TNPO1: variants seen among roughly 807,000 people sequenced by gnomAD.
TNPO1 encodes transportin 1, also known as transportin-1.
TNPO1 carries 8 observed loss-of-function variants against 119.5 expected under a neutral mutation model. The observed-to-expected ratio is 0.07, with a 90% CI of 0.04 to 0.12. The LOEUF is 0.12. Ranked by LOEUF, TNPO1 falls within the 10% of genes least tolerant of loss-of-function variation. The pLI is 1.00. For missense variants in TNPO1, 576 were observed against 1,089.8 expected (o/e 0.53, Z 6.64); for synonymous variants, 362 against 363.0 (o/e 1.00, Z 0.03).
intron 1 of TNPO1, chr5:72,817,053 C>T (rs1743725526): frequency 2.4e-6 from 1 of 423,664 alleles, no homozygotes; most frequent in Non-Finnish European, 4.2e-6. Context: ...GTCTTACATT[C>T]AGGGGAGCGT....
At chr5:72,868,168 C>T (rs1747069920) in intron 6 of TNPO1, among the ~76,000 whole-genome samples, 1 of 152,146 alleles carries the variant, frequency 6.6e-6, no homozygotes, top group East Asian at 1.9e-4. Flanking sequence ...CGCGGTGGCT[C>T]ACGCCTGTAA....
chr5:72,893,280 A>T, intron 16 of TNPO1, 34 bp downstream of exon 16: 1 of 1,606,002 alleles, frequency 6.2e-7, no homozygotes, highest in Non-Finnish European at 8.5e-7. Flanking sequence ...TCTTCTTGAC[A>T]TGGTGGACAT....
At chr5:72,876,291 TTG>T (rs372219160) in intron 8 of TNPO1, among the ~76,000 whole-genome samples, 71 of 152,306 alleles carry the variant, frequency 4.7e-4, no homozygotes, top group African/African-American at 1.6e-3. Context: ...TATGACACTG[TTG>T]TGTGGGCATA....
intron 4 of TNPO1, among the ~76,000 whole-genome samples, chr5:72,857,494 C>G (rs1746095461): frequency 6.6e-6 from 1 of 152,158 alleles, no homozygotes; most frequent in African/African-American, 2.4e-5. Flanking sequence ...AAAAAGAACT[C>G]CCTAGATTAC....
At chr5:72,848,059 T>G (rs932000741) in intron 1 of TNPO1, 14 of 1,060,818 alleles carry the variant, frequency 1.3e-5, no homozygotes, top group Non-Finnish European at 1.4e-5. Context: ...GAAAACTGCG[T>G]GGCACTAGGA....
chr5:72,850,936 A>C (rs1745498652), intron 2 of TNPO1, among the ~76,000 whole-genome samples: 1 of 152,124 alleles, frequency 6.6e-6, no homozygotes, highest in Non-Finnish European at 1.5e-5. Flanking sequence ...GAATGGTTTA[A>C]AGTTGAAATC....
chr5:72,819,522 G>C (rs1230727183), intron 1 of TNPO1, among the ~76,000 whole-genome samples: 1 of 152,128 alleles, frequency 6.6e-6, no homozygotes, highest in Non-Finnish European at 1.5e-5. Flanking sequence ...GAAATAGGGA[G>C]GTGGATTTGT....
chr5:72,855,072 T>G (rs1745878709), intron 3 of TNPO1, among the ~76,000 whole-genome samples: 1 of 152,086 alleles, frequency 6.6e-6, no homozygotes, highest in African/African-American at 2.4e-5. Context: ...CTTCTCTGCT[T>G]GCAGCCTCTG....
chr5:72,895,684 A>T (rs1749378810), intron 18 of TNPO1, among the ~76,000 whole-genome samples: 1 of 152,238 alleles, frequency 6.6e-6, no homozygotes, highest in Non-Finnish European at 1.5e-5. Flanking sequence ...AATAATGAAG[A>T]TACTTATATA....
intron 3 of TNPO1, among the ~76,000 whole-genome samples, chr5:72,854,821 CTT>C (rs1264424211): frequency 2.0e-5 from 3 of 152,136 alleles, no homozygotes; most frequent in South Asian, 2.1e-4. Flanking sequence ...TAAGAAAACT[CTT>C]TTTAAATGTT....
intron 3 of TNPO1, among the ~76,000 whole-genome samples, chr5:72,853,639 ATTTC>A (rs375673929): frequency 3.7e-4 from 53 of 141,716 alleles, no homozygotes; most frequent in African/African-American, 1.3e-3. Flanking sequence ...AACACTTGAT[ATTTC>A]TTCTTGTGTT....
chr5:72,850,999 TTTC>T (rs1412266238), intron 2 of TNPO1, among the ~76,000 whole-genome samples: 3 of 152,230 alleles, frequency 2.0e-5, no homozygotes, highest in Admixed American at 1.3e-4. Context: ...AAGCTGGAAC[TTTC>T]TTATGTTGTA....
chr5:72,894,975 C>A (rs1470500197), intron 18 of TNPO1, among the ~76,000 whole-genome samples: 1 of 151,994 alleles, frequency 6.6e-6, no homozygotes, highest in Non-Finnish European at 1.5e-5. Flanking sequence ...TGTAACAAAC[C>A]TCCTATCACC....
At chr5:72,871,545 A>G (rs1747402731) in intron 6 of TNPO1, among the ~76,000 whole-genome samples, 1 of 152,220 alleles carries the variant, frequency 6.6e-6, no homozygotes, top group African/African-American at 2.4e-5. Context: ...TCATACAGTC[A>G]TGAGTACAAT....
intron 18 of TNPO1, among the ~76,000 whole-genome samples, chr5:72,894,639 C>G (rs1749294577): frequency 6.6e-6 from 1 of 152,114 alleles, no homozygotes. Flanking sequence ...CCACTACACT[C>G]CAGCCTGGGC....
chr5:72,839,739 T>C (rs957135196), intron 1 of TNPO1, among the ~76,000 whole-genome samples: 1 of 152,216 alleles, frequency 6.6e-6, no homozygotes, highest in Non-Finnish European at 1.5e-5. Context: ...TAATGGAAAT[T>C]GCCAGGAGCA....
At position 72,872,730 on chromosome 5, in the gene TNPO1, G is replaced by T; in HGVS notation, c.678+10G>T. ...TGATTCTTTTATTGAGGTAAGACTTGTTCTTGTCTCCCTCCCAACCCCCCA... is the reference window on the plus strand; with the variant it reads ...TGATTCTTTTATTGAGGTAAGACTTTTTCTTGTCTCCCTCCCAACCCCCCA... On this transcript the variant is annotated intron_variant, in intron 7 of 24. Coordinates refer to ENST00000337273, the MANE Select transcript of TNPO1 (RefSeq NM_002270.4). The T allele has an allele frequency of 6.4e-7, 1 of 1,567,712 alleles. No individual in the cohort carries two copies. Among genetic ancestry groups the T allele is most frequent in the African/African-American group, 1.4e-5 (1 of 72,852 alleles).
intron 1 of TNPO1, among the ~76,000 whole-genome samples, chr5:72,819,881 A>C (rs954281695): frequency 1.3e-5 from 2 of 152,200 alleles, no homozygotes; most frequent in African/African-American, 2.4e-5. Context: ...AAGCTCTTAA[A>C]ACTGGGCCTG....
At chr5:72,891,117 AC>A (rs1240822942) in intron 14 of TNPO1, among the ~76,000 whole-genome samples, 1 of 151,958 alleles carries the variant, frequency 6.6e-6, no homozygotes. Flanking sequence ...TGCTGGAATT[AC>A]AGGTGTGAGC....
Sources: allele counts gnomAD v4.1 joint callset (sites outside exome capture counted in the v4.1 genomes callset), GRCh38; gene constraint gnomAD v4.1.1; transcripts MANE v1.5; gene names NCBI Gene and HGNC (gene_info 2026-07-23, HGNC 2026-07-21).